The following GNAL variants were observed in gnomAD, a reference collection of about 807,000 sequenced individuals.
GNAL encodes guanine nucleotide-binding protein G(olf) subunit alpha.
A neutral mutation model predicts 55.1 loss-of-function variants in GNAL; 18 were observed. The observed-to-expected ratio is 0.33, with a 90% confidence interval of 0.23 to 0.48. The LOEUF (loss-of-function observed/expected upper bound fraction) is 0.48, where lower values mean the gene tolerates loss of function less well. Ranked by LOEUF, GNAL falls within the 20% of genes least tolerant of loss-of-function variation. The probability of loss-of-function intolerance (pLI) is 0.99; values close to 1 mark genes in which losing one functional copy is unlikely to be tolerated. For missense variants in GNAL, 412 were observed against 614.1 expected, an observed-to-expected ratio of 0.67 and a Z score of 3.48; for synonymous variants, 253 against 237.0, an observed-to-expected ratio of 1.07 and a Z score of -0.62.
intron 4 of GNAL, among the ~76,000 whole-genome samples, chr18:11,789,784 C>A (rs1220544021): frequency 1.3e-5 from 2 of 152,148 alleles, no homozygotes; most frequent in African/African-American, 4.8e-5. Context: ...GCTCATGTGG[C>A]TTGCAGAGGA....
At chr18:11,733,269 G>A (rs1219962259) in intron 1 of GNAL, among the ~76,000 whole-genome samples, 2 of 152,240 alleles carry the variant, frequency 1.3e-5, no homozygotes, top group Non-Finnish European at 2.9e-5. Flanking sequence ...AGGGACAGCT[G>A]TCATGTGTGA....
In GNAL at chr18:11,751,644, G is replaced by A. The variant is rs928899192; in HGVS notation, c.377-1209G>A. On this transcript the variant is annotated intron_variant, in intron 1 of 11. Coordinates refer to ENST00000334049, the MANE Select transcript of GNAL (RefSeq NM_182978.4). This position sits in a 1 kb window ranked among gnomAD's most constrained non-coding sequence, Gnocchi z 4.5. ...CGCACTTTCCCGGCTCGGGGTGCAA[G>A]AGAGCCAGGCGGCCGCGGCGCAGCG... The A allele has an allele frequency of 3.0e-6, 3 of 985,402 alleles. No homozygotes were observed. The African/African-American group carries it at 5.2e-5, about 17-fold the overall frequency. The allele number at this position is 985,402 out of a possible 1,614,324, so 61.0% of individuals were successfully genotyped here. A position where few individuals can be genotyped will look rare whatever the true frequency, so the allele number is the denominator to read the frequency against.
intron 4 of GNAL, among the ~76,000 whole-genome samples, chr18:11,806,993 T>C (rs2143543481): frequency 6.6e-6 from 1 of 152,116 alleles, no homozygotes; most frequent in South Asian, 2.1e-4. Context: ...ACCCCGTCTC[T>C]ACTAAAAATA....
intron 1 of GNAL, among the ~76,000 whole-genome samples, chr18:11,704,790 T>TTA (rs1555641128): frequency 2.0e-5 from 3 of 151,846 alleles, no homozygotes; most frequent in Admixed American, 6.6e-5. Context: ...AATTTTTTTT[T>TTA]AATTTAACAG....
chr18:11,771,439 C>G (rs1164094833), intron 4 of GNAL, among the ~76,000 whole-genome samples: 3 of 151,564 alleles, frequency 2.0e-5, no homozygotes, highest in African/African-American at 7.3e-5. Flanking sequence ...AAATGATGAC[C>G]TGATATGTGT....
At chr18:11,735,081 G>A (rs887171893) in intron 1 of GNAL, among the ~76,000 whole-genome samples, 6 of 150,998 alleles carry the variant, frequency 4.0e-5, no homozygotes, top group South Asian at 2.1e-4. Context: ...ATGGAGTTTC[G>A]CCCTTATCAC....
At chr18:11,876,941 G>A (rs188834546) in intron 11 of GNAL, among the ~76,000 whole-genome samples, 35 of 152,294 alleles carry the variant, frequency 2.3e-4, no homozygotes, top group African/African-American at 8.2e-4. Flanking sequence ...ATGGCACTTG[G>A]ATGGGCTAGA....
At chr18:11,706,994 A>C (rs1163517785) in intron 1 of GNAL, among the ~76,000 whole-genome samples, 1 of 152,090 alleles carries the variant, frequency 6.6e-6, no homozygotes, top group Non-Finnish European at 1.5e-5. Context: ...AGAATTGTGA[A>C]TTGTTGCCAG....
chr18:11,866,954 T>G (rs992746187), intron 7 of GNAL, among the ~76,000 whole-genome samples: 1 of 152,070 alleles, frequency 6.6e-6, no homozygotes, highest in Non-Finnish European at 1.5e-5. Flanking sequence ...AGCCCCACTG[T>G]GGGGTGACTG....
At chr18:11,702,318 G>A (rs2143323818) in intron 1 of GNAL, 1 of 152,428 alleles carries the variant, frequency 6.6e-6, no homozygotes, top group South Asian at 2.1e-4. Flanking sequence ...CCGAGCAAGA[G>A]GCGAGTGCTG....
At chr18:11,784,453 T>A (rs893733634) in intron 4 of GNAL, among the ~76,000 whole-genome samples, 2 of 152,222 alleles carry the variant, frequency 1.3e-5, no homozygotes, top group African/African-American at 4.8e-5. Flanking sequence ...ATGACACCCC[T>A]GCACTTACCA....
chr18:11,828,511 A>C (rs1272930157), intron 5 of GNAL, among the ~76,000 whole-genome samples: 1 of 152,234 alleles, frequency 6.6e-6, no homozygotes, highest in African/African-American at 2.4e-5. Flanking sequence ...GTTCTTAATA[A>C]TATTAAAATT....
At chr18:11,852,771 T>A (rs950860653) in intron 5 of GNAL, 2 of 166,932 alleles carry the variant, frequency 1.2e-5, no homozygotes, top group South Asian at 2.1e-4. Flanking sequence ...TTTCACGTGA[T>A]AATTGTCTTT....
At chr18:11,768,515 C>T (rs1298775551) in intron 4 of GNAL, among the ~76,000 whole-genome samples, 1 of 151,288 alleles carries the variant, frequency 6.6e-6, no homozygotes, top group East Asian at 1.9e-4. Context: ...GCAGGAGAAT[C>T]GCTTGAACCC....
chr18:11,873,263 A>G (rs2036440266), intron 10 of GNAL, among the ~76,000 whole-genome samples: 2 of 152,242 alleles, frequency 1.3e-5, no homozygotes, highest in African/African-American at 4.8e-5. Flanking sequence ...TGAAGAGGGA[A>G]AAGAAAACTT....
chr18:11,703,795 G>GCGCGCACACACACA (rs1311432181), intron 1 of GNAL, among the ~76,000 whole-genome samples: 26 of 141,496 alleles, frequency 1.8e-4, no homozygotes, highest in African/African-American at 5.0e-4. Context: ...GTGTTGATGG[G>GCGCGCACACACACA]CACACACACA....
chr18:11,825,094 T>C, intron 5 of GNAL, 79 bp downstream of exon 5: 1 of 786,356 alleles, frequency 1.3e-6, no homozygotes, highest in Non-Finnish European at 2.2e-6. Context: ...TTCTCAGTAC[T>C]GAAGTTTCTT....
chr18:11,797,775 AAAAG>A (rs1218787010), intron 4 of GNAL, among the ~76,000 whole-genome samples: 21 of 152,230 alleles, frequency 1.4e-4, no homozygotes, highest in Non-Finnish European at 2.2e-4. Flanking sequence ...CAGAAAAAAA[AAAAG>A]AAAGAAAGAA....
intron 1 of GNAL, among the ~76,000 whole-genome samples, chr18:11,720,332 G>A (rs1262282188): frequency 6.6e-6 from 1 of 152,174 alleles, no homozygotes; most frequent in Non-Finnish European, 1.5e-5. Context: ...ACAATTTTTT[G>A]TAAGATAGGT....
Sources: allele counts gnomAD v4.1 joint callset (sites outside exome capture counted in the v4.1 genomes callset), GRCh38; gene constraint gnomAD v4.1.1; non-coding constraint Gnocchi (gnomAD v3.1); transcripts MANE v1.5; gene names NCBI Gene and HGNC (gene_info 2026-07-23, HGNC 2026-07-21).